FSTL1: variants seen among roughly 807,000 people sequenced by gnomAD.
The protein encoded by FSTL1 is follistatin-related protein 1.
FSTL1 carries 24 observed loss-of-function variants against 45.9 expected under a neutral mutation model. The ratio of observed to expected loss-of-function variants is 0.52; its 90% CI spans 0.38 to 0.74. The LOEUF (loss-of-function observed/expected upper bound fraction) is 0.74. Ranked by LOEUF, FSTL1 falls within the 30% of genes least tolerant of loss-of-function variation. FSTL1 has a pLI of 0.00. For missense variants in FSTL1, 340 were observed against 381.8 expected (o/e 0.89, Z 0.91); for synonymous variants, 120 against 137.6 (o/e 0.87, Z 0.89).
chr3:120,440,061 T>C (rs1030318662), intron 2 of FSTL1, among the ~76,000 whole-genome samples: 1 of 152,126 alleles, frequency 6.6e-6, no homozygotes, highest in African/African-American at 2.4e-5. Flanking sequence ...TGCAGTGAGC[T>C]AAGATTGTGT....
chr3:120,425,103 T>C (rs1182266379), intron 2 of FSTL1, among the ~76,000 whole-genome samples: 1 of 152,100 alleles, frequency 6.6e-6, no homozygotes, highest in Non-Finnish European at 1.5e-5. Context: ...AAAAGGCACC[T>C]TTCTCTCCAG....
intron 2 of FSTL1, among the ~76,000 whole-genome samples, chr3:120,432,385 A>G (rs1372977238): frequency 6.6e-6 from 1 of 152,166 alleles, no homozygotes; most frequent in Non-Finnish European, 1.5e-5. Context: ...ATGCTGGCCA[A>G]TCAGGCCTTG....
rs531832794 is a variant in FSTL1 at position 120,422,799 on chromosome 3, A to G, written c.64-6772T>C. Among the ~76,000 whole-genome samples, 11 of 151,986 alleles carry G rather than the reference A, an allele frequency of 7.2e-5. No homozygotes were observed. The South Asian group carries it at 2.3e-3, about 32-fold the overall frequency. On this transcript the variant is annotated intron_variant, in intron 2 of 10. Coordinates refer to ENST00000295633, the MANE Select transcript of FSTL1 (RefSeq NM_007085.5). ...AACTTCCACCTCCCGGGTTCAAGCGATTCTCCTGCCTCAGCCTTCCCAGTA... is the reference window on the plus strand; with the variant it reads ...AACTTCCACCTCCCGGGTTCAAGCGGTTCTCCTGCCTCAGCCTTCCCAGTA...
chr3:120,450,711 CAGCGCGAGCGCG>C lies in FSTL1; in HGVS notation c.24_35del (p.Ala9_Leu12del). On this transcript the variant is annotated inframe_deletion, in exon 2 of 11. Coordinates refer to ENST00000295633, the MANE Select transcript of FSTL1 (RefSeq NM_007085.5). Reference sequence around the variant, plus strand: ...CGGCGCGGACCCAGGCGACCGCCACCAGCGCGAGCGCGAGCGCGAGCCAGCGTTTCCACATCT... The same window carrying C: ...CGGCGCGGACCCAGGCGACCGCCACCAGCGCGAGCCAGCGTTTCCACATCT... 2 of 1,566,062 alleles carry C rather than the reference CAGCGCGAGCGCG, an allele frequency of 1.3e-6. No homozygotes were observed. Among genetic ancestry groups the C allele is most frequent in the Non-Finnish European group, 1.7e-6 (2 of 1,162,190 alleles).
intron 7 of FSTL1, 110 bp from the exon 8 acceptor site, chr3:120,403,464 A>AT: frequency 3.0e-6 from 2 of 659,234 alleles, no homozygotes; most frequent in Non-Finnish European, 5.4e-6. Context: ...GAGGCCAAGA[A>AT]GATGACTGCT....
intron 2 of FSTL1, among the ~76,000 whole-genome samples, chr3:120,424,952 T>G (rs1576220414): frequency 6.7e-6 from 1 of 149,098 alleles, no homozygotes; most frequent in South Asian, 2.2e-4. Flanking sequence ...TGTGTAGGGG[T>G]GAGAAATTGA....
intron 2 of FSTL1, among the ~76,000 whole-genome samples, chr3:120,426,170 T>A (rs1259301): frequency 0.99 from 149,260 of 150,142 alleles, 74,200 homozygotes; most frequent in Middle Eastern, 1. Flanking sequence ...AAAAAAAAAA[T>A]TCCCACACAC....
intron 2 of FSTL1, among the ~76,000 whole-genome samples, chr3:120,446,381 T>C (rs2107674236): frequency 6.6e-6 from 1 of 152,362 alleles, no homozygotes; most frequent in East Asian, 1.9e-4. Context: ...TCCTGGTTTC[T>C]GTCACCCAAT....
At chr3:120,432,222 A>G (rs1054158362) in intron 2 of FSTL1, among the ~76,000 whole-genome samples, 4 of 152,192 alleles carry the variant, frequency 2.6e-5, no homozygotes, top group African/African-American at 7.2e-5. Context: ...AGCTTTCAAT[A>G]TTACACACAC....
In FSTL1 at chr3:120,402,816, G is replaced by A. The variant is rs775865393; in HGVS notation, c.797C>T (p.Thr266Ile). 14 of 1,583,386 alleles carry A rather than the reference G, an allele frequency of 8.8e-6. No individual in the cohort carries two copies. In the Admixed American group the frequency reaches 1.5e-4, roughly 17 times the overall value. The change falls in exon 9 of 11, where the codon ACC (threonine) becomes ATC (isoleucine). Residue 266 changes from threonine to isoleucine, a missense_variant. Coordinates refer to ENST00000295633, the MANE Select transcript of FSTL1 (RefSeq NM_007085.5). ...ACGNWVCTAM[T>I]CDGKNQKGAQ... ...CTTGAAGCACAGCTCACCGTCACAG[G>A]TCATGGCTGTACAGACCCAATTTCC...
In FSTL1 at chr3:120,403,313, T is replaced by C. The variant is rs1223541350; in HGVS notation, c.623A>G (p.Asn208Ser). The change falls in exon 8 of 11, where the codon AAT becomes AGT. Residue 208 changes from asparagine to serine, a missense_variant. Transcript: ENST00000295633. ...VDALIELSDE[N>S]ADWKLSFQEF... is the part of the protein sequence containing the mutation. ...TTGGAAGCTGAGTTTCCAATCAGCA[T>C]TTTCATCAGACAGTTCAATGAGAGC... 1 of 1,612,596 alleles carries C rather than the reference T, an allele frequency of 6.2e-7. No individual in the cohort carries two copies. The highest frequency in any genetic ancestry group is 1.1e-5 in the South Asian group (1 of 91,062).
intron 2 of FSTL1, among the ~76,000 whole-genome samples, chr3:120,430,358 G>C (rs1559742026): frequency 6.6e-6 from 1 of 152,152 alleles, no homozygotes; most frequent in African/African-American, 2.4e-5. Flanking sequence ...CTAATTTATT[G>C]CACCTATTAC....
At chr3:120,409,977 A>T in intron 5 of FSTL1, 1 of 196,868 alleles carries the variant, frequency 5.1e-6, no homozygotes, top group Non-Finnish European at 1.0e-5. Flanking sequence ...AGGGGAAAAA[A>T]TCAATAAAGC....
chr3:120,402,847 C>T lies in FSTL1; in HGVS notation c.766G>A (p.Ala256Thr). The T allele has an allele frequency of 1.2e-6, 2 of 1,613,122 alleles. No homozygotes were observed. Among genetic ancestry groups the T allele is most frequent in the South Asian group, 1.1e-5 (1 of 91,042 alleles). Residue 256 changes from alanine (A) to threonine (T), a missense_variant, in exon 9 of 11, where the codon GCC (alanine) becomes ACC (threonine). Physicochemically the swap from Ala to Thr is moderately conservative, Grantham distance 58. Transcript: ENST00000295633. ...GCTGTACAGACCCAATTTCCACAGG[C>T]ACAGACACAGCGGTTACAGTCCACC... ...TEVDCNRCVC[A>T]CGNWVCTAMT... is the part of the protein sequence containing the mutation.
At chr3:120,404,696 A>G (rs186550016) in intron 7 of FSTL1, among the ~76,000 whole-genome samples, 157 bp downstream of exon 7, 2 of 152,370 alleles carry the variant, frequency 1.3e-5, no homozygotes, top group Admixed American at 1.3e-4. Flanking sequence ...ATATTAATTC[A>G]TACTTTCATA....
At chr3:120,416,160 T>G (rs937744718) in intron 2 of FSTL1, 133 bp from the exon 3 acceptor site, 46 of 704,930 alleles carry the variant, frequency 6.5e-5, no homozygotes, top group Middle Eastern at 2.4e-4. Flanking sequence ...CAGCTAGATG[T>G]TGGGTCTTAA....
At chr3:120,435,197 C>T (rs909270043) in intron 2 of FSTL1, among the ~76,000 whole-genome samples, 2 of 152,048 alleles carry the variant, frequency 1.3e-5, no homozygotes, top group African/African-American at 4.8e-5. Flanking sequence ...CCAGTCTGGG[C>T]GACAGAGCGA....
At chr3:120,439,439 C>G (rs891628919) in intron 2 of FSTL1, among the ~76,000 whole-genome samples, 1 of 152,196 alleles carries the variant, frequency 6.6e-6, no homozygotes, top group Non-Finnish European at 1.5e-5. Flanking sequence ...CTCTGCTTAT[C>G]TATGAGGAAA....
chr3:120,393,807 T>A lies in FSTL1; in HGVS notation c.*3145A>T, dbSNP rs1936636594. 6.6e-6 allele frequency: 1 copy of A among 152,086 alleles called. No homozygotes were observed. The highest frequency in any genetic ancestry group is 1.5e-5 in the Non-Finnish European group (1 of 68,004). The allele number at this position is 152,086 out of a possible 1,614,324, so 9.4% of individuals were successfully genotyped here. Reference sequence around the variant, plus strand: ...TCAAAGTTTAACCCTCATGAATGGGTAAGTGCCCTTATAAAAGAGGCCTAA... The same window carrying A: ...TCAAAGTTTAACCCTCATGAATGGGAAAGTGCCCTTATAAAAGAGGCCTAA... On this transcript the variant is annotated 3_prime_UTR_variant, in exon 11 of 11. Transcript: ENST00000295633.
Sources: gnomAD v4.1 joint callset for allele counts (sites outside exome capture counted in the v4.1 genomes callset) on GRCh38, gnomAD v4.1.1 for gene constraint, MANE v1.5 for transcripts, NCBI Gene and HGNC (gene_info 2026-07-23, HGNC 2026-07-21) for gene names.